LMOD1: variants seen among roughly 807,000 people sequenced by gnomAD.
The protein encoded by LMOD1 is leiomodin-1.
In LMOD1, 8 loss-of-function variants were observed where a neutral mutation model predicts 36.5. The ratio of observed to expected loss-of-function variants is 0.22; its 90% CI spans 0.13 to 0.40. LMOD1 has a LOEUF of 0.40. Among genes scored for constraint, LMOD1 ranks in the 10% least tolerant of loss-of-function variants. The pLI is 1.00. For missense variants in LMOD1, 630 were observed against 751.1 expected, an observed-to-expected ratio of 0.84 and a Z score of 1.88; for synonymous variants, 284 against 288.7, an observed-to-expected ratio of 0.98 and a Z score of 0.17.
rs955904682 is a variant in LMOD1, at chr1:201,898,052, A to T, written c.*320T>A. 2.8e-6 allele frequency: 1 copy of T among 351,328 alleles called. No homozygotes were observed. Among genetic ancestry groups the T allele is most frequent in the African/African-American group, 2.1e-5 (1 of 47,202 alleles). The allele number at this position is 351,328 out of a possible 1,614,324, so 21.8% of individuals were successfully genotyped here. A position where few individuals can be genotyped will look rare whatever the true frequency, so the allele number is the denominator to read the frequency against. ...CTGTGGGACATCTTTCCTGGATCAC[A>T]GGCCTTTTGCAGCTTGCCAGCTACA... On this transcript the variant is annotated 3_prime_UTR_variant, in exon 3 of 3. Transcript: ENST00000367288.
chr1:201,940,715 G>A (rs1288942581), intron 1 of LMOD1, among the ~76,000 whole-genome samples: 1 of 149,382 alleles, frequency 6.7e-6, no homozygotes, highest in Non-Finnish European at 1.5e-5. Flanking sequence ...CTCCCAAGTA[G>A]CTGGACTACA....
In LMOD1 at chr1:201,936,509, A is replaced by G. The variant is rs1416832810; in HGVS notation, c.261+9571T>C. Among the ~76,000 whole-genome samples the G allele has an allele frequency of 3.3e-5, 5 of 152,172 alleles. No individual in the cohort carries two copies. The East Asian group carries it at 9.7e-4, about 29-fold the overall frequency. ...GCTCCTTCCCCACTCCTCCTGCTCT[A>G]GTTTTGGGGCCTGGCTTTTCCTCTG... On this transcript the variant is annotated intron_variant, in intron 1 of 2. Coordinates refer to ENST00000367288, the MANE Select transcript of LMOD1 (RefSeq NM_012134.3).
At chr1:201,924,665 AAAAGAAAGAAAGAAAGAAAGAAAG>A (rs547652390) in intron 1 of LMOD1, among the ~76,000 whole-genome samples, 27,704 of 129,862 alleles carry the variant, frequency 0.21, 3,458 homozygotes, top group Non-Finnish European at 0.26. Context: ...AGAAAGAAAA[AAAAGAAAGAAAGAAAGAAAGAAAG>A]AAAGAAAGAA....
intron 1 of LMOD1, among the ~76,000 whole-genome samples, chr1:201,940,323 A>G (rs1438252485): frequency 1.3e-5 from 2 of 148,372 alleles, no homozygotes; most frequent in Admixed American, 1.4e-4. Context: ...AGCAGCTGGG[A>G]CTACAGGCAT....
chr1:201,941,637 G>A (rs1361680182), intron 1 of LMOD1, among the ~76,000 whole-genome samples: 6 of 152,206 alleles, frequency 3.9e-5, no homozygotes, highest in African/African-American at 9.7e-5. Flanking sequence ...GGGCCTTCCC[G>A]GCCCCGTAGA....
chr1:201,902,436 T>G (rs908578196), intron 1 of LMOD1, among the ~76,000 whole-genome samples: 1 of 139,122 alleles, frequency 7.2e-6, no homozygotes, highest in South Asian at 2.3e-4. Context: ...GGGCTTGAGG[T>G]TTTTTTTGGT....
At position 201,899,198 on chromosome 1, in the gene LMOD1, C is replaced by A. The variant is rs748021659; in HGVS notation, c.1776+39G>T. 71 of 1,531,384 alleles carry A rather than the reference C, an allele frequency of 4.6e-5. No homozygotes were observed. Among genetic ancestry groups the A allele is most frequent in the Non-Finnish European group, 5.8e-5 (66 of 1,136,092 alleles). 94.9% of individuals were successfully genotyped at this position (1,531,384 alleles called of 1,614,324 possible). On this transcript the variant is annotated intron_variant, in intron 2 of 2. Transcript: ENST00000367288. The surrounding 1 kb of genome is among the most constrained non-coding windows in gnomAD (Gnocchi z 6.3). Reference sequence around the variant, plus strand: ...TCCTACCCTCTCCTCCAGGCCCTACCCAGCCCCGCCCTGTTGGCTCATGCC... The same window carrying A: ...TCCTACCCTCTCCTCCAGGCCCTACACAGCCCCGCCCTGTTGGCTCATGCC...
chr1:201,903,214 G>A (rs1416310047), intron 1 of LMOD1, among the ~76,000 whole-genome samples: 1 of 152,214 alleles, frequency 6.6e-6, no homozygotes, highest in Non-Finnish European at 1.5e-5. Context: ...ACATGCCATT[G>A]GGGACCAGCC....
intron 1 of LMOD1, among the ~76,000 whole-genome samples, chr1:201,922,003 C>G (rs1191444276): frequency 1.3e-5 from 2 of 151,608 alleles, no homozygotes; most frequent in Non-Finnish European, 2.9e-5. Context: ...TTTAATGAAA[C>G]AAAATCCATG....
chr1:201,933,275 TTGG>T (rs1681956756), intron 1 of LMOD1, among the ~76,000 whole-genome samples: 1 of 151,414 alleles, frequency 6.6e-6, no homozygotes, highest in African/African-American at 2.4e-5. Flanking sequence ...TTAGCCAGGC[TTGG>T]TGGTGGACGC....
intron 1 of LMOD1, among the ~76,000 whole-genome samples, chr1:201,907,127 T>A (rs1371346502): frequency 6.6e-6 from 1 of 152,234 alleles, no homozygotes; most frequent in Non-Finnish European, 1.5e-5. Context: ...TGGGGGCTGT[T>A]CCGGAAAAGT....
At chr1:201,910,735 G>T (rs1232368002) in intron 1 of LMOD1, among the ~76,000 whole-genome samples, 1 of 127,474 alleles carries the variant, frequency 7.8e-6, no homozygotes, top group Non-Finnish European at 1.7e-5. Flanking sequence ...TTTTGCAGAT[G>T]GTGTCATTCT....
At position 201,896,868 on chromosome 1, in the gene LMOD1, C is replaced by T. The variant is rs1681203616; in HGVS notation, c.*1504G>A. ...CTGGTTTTGGTCAGACCTAGCACAG[C>T]GATCTTGCTTCCTAGCTGGGGCACC... On this transcript the variant is annotated 3_prime_UTR_variant, in exon 3 of 3. Transcript: ENST00000367288. The T allele has an allele frequency of 5.5e-6, 2 of 364,078 alleles. No homozygotes were observed. The highest frequency in any genetic ancestry group is 1.1e-5 in the Non-Finnish European group (2 of 181,404). 22.6% of individuals were successfully genotyped at this position (364,078 alleles called of 1,614,324 possible). A position where few individuals can be genotyped will look rare whatever the true frequency, so the allele number is the denominator to read the frequency against.
chr1:201,938,381 G>A (rs1292508443), intron 1 of LMOD1, among the ~76,000 whole-genome samples: 6 of 152,054 alleles, frequency 3.9e-5, no homozygotes, highest in East Asian at 1.9e-4. Flanking sequence ...TGCCCGCCTC[G>A]GCCTCCCAAA....
intron 1 of LMOD1, among the ~76,000 whole-genome samples, chr1:201,933,523 C>G (rs1414564581): frequency 6.9e-6 from 1 of 145,128 alleles, no homozygotes; most frequent in East Asian, 2.0e-4. Flanking sequence ...CTTTCTCTCT[C>G]TCTCTCTCTA....
intron 1 of LMOD1, among the ~76,000 whole-genome samples, chr1:201,921,603 A>G (rs1157265290): frequency 6.6e-6 from 1 of 151,698 alleles, no homozygotes; most frequent in Non-Finnish European, 1.5e-5. Context: ...GGGAGTAAAT[A>G]TGGTGACTCT....
intron 1 of LMOD1, among the ~76,000 whole-genome samples, chr1:201,940,748 A>ATTT (rs34009358): frequency 4.0e-5 from 5 of 125,244 alleles, no homozygotes; most frequent in Non-Finnish European, 6.5e-5. Flanking sequence ...CACGCCCAGC[A>ATTT]TTTTTTTTTT....
At chr1:201,901,151 G>A (rs1175297123) in intron 1 of LMOD1, among the ~76,000 whole-genome samples, 2 of 152,126 alleles carry the variant, frequency 1.3e-5, no homozygotes, top group African/African-American at 4.8e-5. Flanking sequence ...CACTGATCCT[G>A]TCTTTAAAAT....
chr1:201,914,975 G>C (rs2453679), intron 1 of LMOD1, among the ~76,000 whole-genome samples: 142,298 of 152,182 alleles, frequency 0.94, 66,852 homozygotes, highest in Non-Finnish European at 0.98. Flanking sequence ...TTTTTGATCC[G>C]TATTCATTCC....
Sources: gnomAD v4.1 joint callset for allele counts (sites outside exome capture counted in the v4.1 genomes callset) on GRCh38, gnomAD v4.1.1 for gene constraint, Gnocchi (gnomAD v3.1) non-coding constraint, MANE v1.5 for transcripts, NCBI Gene and HGNC (gene_info 2026-07-23, HGNC 2026-07-21) for gene names.